Variants in EMILIN3 observed in about 807,000 individuals in gnomAD.
The protein encoded by EMILIN3 is elastin microfibril interfacer 3, also known as EMILIN-3.
A neutral mutation model predicts 42.8 loss-of-function variants in EMILIN3; 38 were observed. The ratio of observed to expected loss-of-function variants is 0.89; its 90% CI spans 0.69 to 1.16. The LOEUF (loss-of-function observed/expected upper bound fraction) is 1.16, where lower values mean the gene tolerates loss of function less well. Among genes scored for constraint, EMILIN3 ranks in the 50% most tolerant of loss-of-function variants. The pLI is 0.00. For synonymous variants in EMILIN3, 430 were observed against 440.5 expected (o/e 0.98, Z 0.30); for missense variants, 924 against 999.5 (o/e 0.92, Z 1.02).
intron 3 of EMILIN3, 46 bp from the exon 4 acceptor site, chr20:41,363,100 C>G (rs1366547875): frequency 7.0e-7 from 1 of 1,434,452 alleles, no homozygotes; most frequent in Non-Finnish European, 9.2e-7. Context: ...GCCTCACCCT[C>G]TCAGCTTGTC....
At position 41,361,220 on chromosome 20, in the gene EMILIN3, T is replaced by C. The variant is rs755105740; in HGVS notation, c.*48A>G. On this transcript the variant is annotated 3_prime_UTR_variant, in exon 4 of 4. Coordinates refer to ENST00000332312, the MANE Select transcript of EMILIN3 (RefSeq NM_052846.2). ...TGGATAAGGCTGGGCTCTGGGGTGATGTTCCCCGAGTTGGTGGGATCTAGG... is the reference window on the plus strand; with the variant it reads ...TGGATAAGGCTGGGCTCTGGGGTGACGTTCCCCGAGTTGGTGGGATCTAGG... 5 of 1,504,524 alleles carry C rather than the reference T, an allele frequency of 3.3e-6. No homozygotes were observed. Among genetic ancestry groups the C allele is most frequent in the East Asian group, 2.3e-5 (1 of 43,130 alleles). 93.2% of individuals were successfully genotyped at this position (1,504,524 alleles called of 1,614,324 possible). A position where few individuals can be genotyped will look rare whatever the true frequency, so the allele number is the denominator to read the frequency against.
At position 41,366,070 on chromosome 20, in the gene EMILIN3, G is replaced by A. The variant is rs1264460630; in HGVS notation, c.167+398C>T. Among the ~76,000 whole-genome samples, 1 of 152,166 alleles carries A rather than the reference G, an allele frequency of 6.6e-6. No homozygotes were observed. The highest frequency in any genetic ancestry group is 1.5e-5 in the Non-Finnish European group (1 of 68,014). ...GCAGCTCTATCTCCTACCTGGCCGG[G>A]CCAGGGGAGAGAAGGGAGGCCCGGG... is the stretch of plus-strand genomic sequence containing the variant. On this transcript the variant is annotated intron_variant, in intron 1 of 3. Coordinates refer to ENST00000332312, the MANE Select transcript of EMILIN3 (RefSeq NM_052846.2). This position sits in a 1 kb window ranked among gnomAD's most constrained non-coding sequence, Gnocchi z 4.2.
Position 41,361,372 on chromosome 20 carries a change from G to C in EMILIN3, c.2197C>G (p.Arg733Gly), listed in dbSNP as rs201529358. The C allele has an allele frequency of 3.7e-6, 6 of 1,613,094 alleles. No homozygotes were observed. In the African/African-American group the frequency reaches 6.7e-5, roughly 18 times the overall value. The change falls in exon 4 of 4, where the codon CGT (arginine) becomes GGT (glycine). Residue 733 changes from arginine (R) to glycine (G), a missense_variant. By Grantham distance (125) the Arg-to-Gly change is moderately radical. Coordinates refer to ENST00000332312, the MANE Select transcript of EMILIN3 (RefSeq NM_052846.2). ...GLWSHVDQLNRTLAQHTQDIA... is the reference protein window; with the variant it reads ...GLWSHVDQLNGTLAQHTQDIA... ...TCCTGCGTGTGCTGGGCCAGCGTAC[G>C]ATTCAGCTGGTCCACATGGCTCCAC...
chr20:41,366,339 C>G lies in EMILIN3; in HGVS notation c.167+129G>C. The G allele has an allele frequency of 1.5e-6, 1 of 667,382 alleles. No homozygotes were observed. The highest frequency in any genetic ancestry group is 1.9e-6 in the Non-Finnish European group (1 of 521,508). The allele number at this position is 667,382 out of a possible 1,614,324, so 41.3% of individuals were successfully genotyped here. A position where few individuals can be genotyped will look rare whatever the true frequency, so the allele number is the denominator to read the frequency against. ...TGGGCAGGGGCTCGGCCCCGGGCGC[C>G]GCCCCCTCTGTGCAGCGGCCTCGGG... On this transcript the variant is annotated intron_variant, in intron 1 of 3. Transcript: ENST00000332312. This position sits in a 1 kb window ranked among gnomAD's most constrained non-coding sequence, Gnocchi z 4.2.
intron 3 of EMILIN3, 148 bp from the exon 4 acceptor site, chr20:41,363,202 G>A (rs1366346462): frequency 2.7e-6 from 2 of 735,342 alleles, no homozygotes; most frequent in African/African-American, 1.8e-5. Flanking sequence ...GTGCAGTGGT[G>A]TGCTCTTGGC....
In EMILIN3 at chr20:41,366,660, C is replaced by A. The variant is rs2046396163; in HGVS notation, c.-26G>T. On this transcript the variant is annotated 5_prime_UTR_variant, in exon 1 of 4. Coordinates refer to ENST00000332312, the MANE Select transcript of EMILIN3 (RefSeq NM_052846.2). This position sits in a 1 kb window ranked among gnomAD's most constrained non-coding sequence, Gnocchi z 4.2. ...AGCGGCCCCCGCGCCTCTGCCCGGCCCCGCGCGGTGCCCCCCGCCGGGTGT... is the reference window on the plus strand; with the variant it reads ...AGCGGCCCCCGCGCCTCTGCCCGGCACCGCGCGGTGCCCCCCGCCGGGTGT... The A allele has an allele frequency of 3.0e-6, 3 of 1,002,062 alleles. No homozygotes were observed. Among genetic ancestry groups the A allele is most frequent in the Non-Finnish European group, 3.6e-6 (3 of 842,712 alleles). 62.1% of individuals were successfully genotyped at this position (1,002,062 alleles called of 1,614,324 possible). A position where few individuals can be genotyped will look rare whatever the true frequency, so the allele number is the denominator to read the frequency against.
In EMILIN3 at chr20:41,363,008, CTCCAGGCGT is replaced by C; in HGVS notation, c.552_560del (p.Arg185_Glu187del). 6.2e-7 allele frequency: 1 copy of C among 1,604,780 alleles called. No homozygotes were observed. The highest frequency in any genetic ancestry group is 8.5e-7 in the Non-Finnish European group (1 of 1,173,136). On this transcript the variant is annotated inframe_deletion, in exon 4 of 4. Coordinates refer to ENST00000332312, the MANE Select transcript of EMILIN3 (RefSeq NM_052846.2). The stretch of plus-strand genomic sequence containing the variant: ...TTTGAGCCAGGCGCTGGACATCACC[CTCCAGGCGT>C]TCCAGCCGCTCACCAAACAGCCCTG...
Position 41,366,509 on chromosome 20 carries a change from G to A in EMILIN3, c.126C>T (p.Tyr42=). Residue 42 remains tyrosine, a synonymous_variant, in exon 1 of 4, where the codon TAC becomes TAT. Transcript: ENST00000332312. This position sits in a 1 kb window ranked among gnomAD's most constrained non-coding sequence, Gnocchi z 4.2. ...GCAGCCGCGGGCGCCATCCCGTCGT[G>A]TAGAGACTGTAGCGGGAGGCACCGG... ...APPGASRYSL[Y]TTGWRPRLRP... 8.6e-7 allele frequency: 1 copy of A among 1,162,970 alleles called. No homozygotes were observed. The highest frequency in any genetic ancestry group is 1.1e-6 in the Non-Finnish European group (1 of 945,580). The allele number at this position is 1,162,970 out of a possible 1,614,324, so 72.0% of individuals were successfully genotyped here.
Position 41,366,356 on chromosome 20 carries a change from G to A in EMILIN3, c.167+112C>T. ...CCGGGCGCCGCCCCCTCTGTGCAGC[G>A]GCCTCGGGGTGCCCGGGGCCTCGAC... On this transcript the variant is annotated intron_variant, in intron 1 of 3. Coordinates refer to ENST00000332312, the MANE Select transcript of EMILIN3 (RefSeq NM_052846.2). The surrounding 1 kb of genome is among the most constrained non-coding windows in gnomAD (Gnocchi z 4.2). 1.2e-6 allele frequency: 1 copy of A among 807,898 alleles called. No individual in the cohort carries two copies. The highest frequency in any genetic ancestry group is 1.5e-6 in the Non-Finnish European group (1 of 649,304). The allele number at this position is 807,898 out of a possible 1,614,324, so 50.0% of individuals were successfully genotyped here.
In EMILIN3 at chr20:41,362,090, G is replaced by A; in HGVS notation, c.1479C>T (p.Ala493=). The change falls in exon 4 of 4, where the codon GCC becomes GCT. Residue 493 remains alanine, a synonymous_variant. Coordinates refer to ENST00000332312, the MANE Select transcript of EMILIN3 (RefSeq NM_052846.2). The stretch of plus-strand genomic sequence containing the variant: ...GGGGCCGAGCTGACCTGCCCGGAGA[G>A]GCGCTGTCATGGCTTAGCTCCCCAG... The part of the protein sequence containing the change: ...TLAGELSHDS[A]SPGRSARPLV... 6.2e-7 allele frequency: 1 copy of A among 1,606,508 alleles called. No individual in the cohort carries two copies. The highest frequency in any genetic ancestry group is 8.5e-7 in the Non-Finnish European group (1 of 1,174,002).
At chr20:41,363,131 A>C in intron 3 of EMILIN3, 77 bp from the exon 4 acceptor site, 1 of 1,259,876 alleles carries the variant, frequency 7.9e-7, no homozygotes, top group Non-Finnish European at 1.1e-6. Flanking sequence ...GCCACCCAAG[A>C]GACTTTCTGT....
rs565920619 is a variant in EMILIN3, at chr20:41,362,389, G to A, written c.1180C>T (p.Arg394Cys). ...AGGGCCCTCTCAAGGCCATCCATAC[G>A]GGCATTGATCAAGGCTAGTTGCCCA... ...CCGQLALINA[R>C]MDGLERALQA... is the part of the protein sequence containing the mutation. Residue 394 changes from arginine (R) to cysteine (C), a missense_variant, in exon 4 of 4, where the codon CGT becomes TGT. By Grantham distance (180) the Arg-to-Cys change is radical. Coordinates refer to ENST00000332312, the MANE Select transcript of EMILIN3 (RefSeq NM_052846.2). 59 of 1,604,436 alleles carry A rather than the reference G, an allele frequency of 3.7e-5. No individual in the cohort carries two copies. In the East Asian group the frequency reaches 8.9e-4, roughly 24 times the overall value.
rs1307261137 is a variant in EMILIN3 at position 41,362,756 on chromosome 20, C to A, written c.813G>T (p.Lys271Asn). ...CATGGCCAAGTGCCAGCCCATGCACCTTGTCTAGAAGCTGCACCTTGGTCT... is the reference window on the plus strand; with the variant it reads ...CATGGCCAAGTGCCAGCCCATGCACATTGTCTAGAAGCTGCACCTTGGTCT... The part of the protein sequence containing the change: ...TLQTKVQLLD[K>N]VHGLALGHEA... Residue 271 changes from lysine (K) to asparagine (N), a missense_variant, in exon 4 of 4, where the codon AAG becomes AAT. Physicochemically the swap from Lys to Asn is moderately conservative, Grantham distance 94. Coordinates refer to ENST00000332312, the MANE Select transcript of EMILIN3 (RefSeq NM_052846.2). 6.2e-7 allele frequency: 1 copy of A among 1,614,196 alleles called. No individual in the cohort carries two copies. The highest frequency in any genetic ancestry group is 8.5e-7 in the Non-Finnish European group (1 of 1,180,034).
chr20:41,361,090 A>C lies in EMILIN3; in HGVS notation c.*178T>G. Reference sequence around the variant, plus strand: ...CTGTCCGGAACTGTCCAGTTTCTGCAGCACTGTGCATGGGTTTTGGTGGCT... The same window carrying C: ...CTGTCCGGAACTGTCCAGTTTCTGCCGCACTGTGCATGGGTTTTGGTGGCT... On this transcript the variant is annotated 3_prime_UTR_variant, in exon 4 of 4. Transcript: ENST00000332312. 1 of 597,152 alleles carries C rather than the reference A, an allele frequency of 1.7e-6. No individual in the cohort carries two copies. The highest frequency in any genetic ancestry group is 2.9e-6 in the Non-Finnish European group (1 of 348,122). The allele number at this position is 597,152 out of a possible 1,614,324, so 37.0% of individuals were successfully genotyped here.
At position 41,361,121 on chromosome 20, in the gene EMILIN3, AG is replaced by A. The variant is rs2046354730; in HGVS notation, c.*146del. ...GTGCATGGGTTTTGGTGGCTGGGAC[AG>A]CCACGTGGAGGATTCCCTCAGTGGC... On this transcript the variant is annotated 3_prime_UTR_variant, in exon 4 of 4. Transcript: ENST00000332312. The A allele has an allele frequency of 1.3e-6, 1 of 747,234 alleles. No homozygotes were observed. The highest frequency in any genetic ancestry group is 2.1e-6 in the Non-Finnish European group (1 of 474,826). The allele number at this position is 747,234 out of a possible 1,614,324, so 46.3% of individuals were successfully genotyped here.
chr20:41,362,560 C>A lies in EMILIN3; in HGVS notation c.1009G>T (p.Val337Leu). 1.2e-6 allele frequency: 2 copies of A among 1,600,068 alleles called. No homozygotes were observed. The highest frequency in any genetic ancestry group is 1.7e-6 in the Non-Finnish European group (2 of 1,179,328). Residue 337 changes from valine to leucine, a missense_variant, in exon 4 of 4, where the codon GTA becomes TTA. By Grantham distance (32) the Val-to-Leu change is conservative. Coordinates refer to ENST00000332312, the MANE Select transcript of EMILIN3 (RefSeq NM_052846.2). ...TGACCCTCCTCACATTGCCGCCGTA[C>A]CTCCTGCACCCGCAGGTCACACTCA... Reference protein sequence around the residue: ...QSECDLRVQEVRRQCEEGQAA... With the variant: ...QSECDLRVQELRRQCEEGQAA...
chr20:41,363,000 A>C lies in EMILIN3; in HGVS notation c.569T>G (p.Val190Gly). Residue 190 changes from valine to glycine, a missense_variant, in exon 4 of 4, where the codon GTC becomes GGC. Transcript: ENST00000332312. ...GERLERLEGD[V>G]QRLAQTYGTL... ...ACCATATGTTTGAGCCAGGCGCTGG[A>C]CATCACCCTCCAGGCGTTCCAGCCG... The C allele has an allele frequency of 6.2e-7, 1 of 1,609,232 alleles. No homozygotes were observed. Among genetic ancestry groups the C allele is most frequent in the Non-Finnish European group, 8.5e-7 (1 of 1,176,702 alleles).
At position 41,363,049 on chromosome 20, in the gene EMILIN3, T is replaced by G. The variant is rs1600755401; in HGVS notation, c.520A>C (p.Lys174Gln). Residue 174 changes from lysine to glutamine, a missense_variant, in exon 4 of 4, where the codon AAA becomes CAA. Physicochemically the swap from Lys to Gln is moderately conservative, Grantham distance 53. Transcript: ENST00000332312. The stretch of plus-strand genomic sequence containing the variant: ...CGCTCACCAAACAGCCCTGGGCCTT[T>G]CCTTCCTGGGAAAGAGAAGAGAGCC... ...SRAAPSPHGR[K>Q]GPGLFGERLE... The G allele has an allele frequency of 6.4e-7, 1 of 1,566,934 alleles. No individual in the cohort carries two copies. Among genetic ancestry groups the G allele is most frequent in the East Asian group, 2.3e-5 (1 of 43,762 alleles).
Position 41,361,466 on chromosome 20 carries a change from C to T in EMILIN3, c.2103G>A (p.Arg701=). Residue 701 remains arginine (R), a synonymous_variant, in exon 4 of 4, where the codon AGG becomes AGA. Transcript: ENST00000332312. ...GGCCCGCGGCCAGCAGGCCCAGCCT[C>T]CTGCACGCACCCTCCACTTGTGCCA... The part of the protein sequence containing the change: ...QRVAQVEGAC[R]RLGLLAAGLD... 6.2e-7 allele frequency: 1 copy of T among 1,607,292 alleles called. No individual in the cohort carries two copies. Among genetic ancestry groups the T allele is most frequent in the Non-Finnish European group, 8.5e-7 (1 of 1,175,884 alleles).
Sources: allele counts gnomAD v4.1 joint callset (sites outside exome capture counted in the v4.1 genomes callset), GRCh38; gene constraint gnomAD v4.1.1; non-coding constraint Gnocchi (gnomAD v3.1); transcripts MANE v1.5; gene names NCBI Gene and HGNC (gene_info 2026-07-23, HGNC 2026-07-21).